Variants in UTS2 observed in about 807,000 individuals in gnomAD.
The protein encoded by UTS2 is urotensin-2.
UTS2 carries 10 observed loss-of-function variants against 12.6 expected under a neutral mutation model. That is an observed-to-expected ratio of 0.80 (90% CI 0.49 to 1.35). The LOEUF (loss-of-function observed/expected upper bound fraction) is 1.35. Ranked by LOEUF, UTS2 falls within the 40% of genes most tolerant of loss-of-function variation. The pLI, the probability that UTS2 is intolerant of heterozygous loss-of-function variation, is 0.00. For missense variants in UTS2, 142 were observed against 143.2 expected (o/e 0.99, Z 0.04); for synonymous variants, 52 against 50.0 (o/e 1.04, Z -0.17).
the UTS2 span, among the ~76,000 whole-genome samples, chr1:7,890,458 T>G: frequency 2.6e-5 from 4 of 152,142 alleles, no homozygotes; most frequent in Non-Finnish European, 5.9e-5. Context: ...ATAATAGGAA[T>G]GTGACTCAAA....
At chr1:7,849,436 T>C (rs1284240335) in intron 3 of UTS2, among the ~76,000 whole-genome samples, 3 of 151,946 alleles carry the variant, frequency 2.0e-5, no homozygotes, top group Non-Finnish European at 4.4e-5. Flanking sequence ...GTCTCGAACT[T>C]CTGACCTCAG....
chr1:7,903,790 C>A, the UTS2 span, among the ~76,000 whole-genome samples: 1 of 152,104 alleles, frequency 6.6e-6, no homozygotes, highest in African/African-American at 2.4e-5. Context: ...AAGTGTCAGG[C>A]TTAGCAATAG....
chr1:7,855,479 G>T (rs1430195630), upstream of UTS2, among the ~76,000 whole-genome samples: 1 of 152,038 alleles, frequency 6.6e-6, no homozygotes, highest in Non-Finnish European at 1.5e-5. Flanking sequence ...AGCTACTCCG[G>T]AGGCTGAGGC....
At chr1:7,858,028 G>A (rs1638349897), upstream of UTS2, among the ~76,000 whole-genome samples, 1 of 152,158 alleles carries the variant, frequency 6.6e-6, no homozygotes, top group Non-Finnish European at 1.5e-5. Flanking sequence ...ATTTCAAAAT[G>A]AGGTGGGAGA....
At chr1:7,889,514 G>A in the UTS2 span, among the ~76,000 whole-genome samples, 1 of 149,626 alleles carries the variant, frequency 6.7e-6, no homozygotes, top group Non-Finnish European at 1.5e-5. Flanking sequence ...CTCAATATGA[G>A]AAAGATCCGG....
chr1:7,879,610 A>G, the UTS2 span, among the ~76,000 whole-genome samples: 1 of 152,118 alleles, frequency 6.6e-6, no homozygotes, highest in Non-Finnish European at 1.5e-5. Context: ...GCATGGTGGC[A>G]CACGCTTGTA....
the UTS2 span, among the ~76,000 whole-genome samples, chr1:7,900,105 T>C: frequency 6.6e-6 from 1 of 152,176 alleles, no homozygotes; most frequent in Non-Finnish European, 1.5e-5. Flanking sequence ...TGTAGAAATA[T>C]CAAATGAATG....
the UTS2 span, among the ~76,000 whole-genome samples, chr1:7,868,893 A>C: frequency 6.6e-6 from 1 of 152,222 alleles, no homozygotes; most frequent in South Asian, 2.1e-4. Flanking sequence ...TTATAAAAAC[A>C]GGAAGAGACA....
chr1:7,891,770 T>C, the UTS2 span, among the ~76,000 whole-genome samples: 1 of 152,132 alleles, frequency 6.6e-6, no homozygotes, highest in African/African-American at 2.4e-5. Flanking sequence ...ATAATTATTA[T>C]AAATGTTATA....
chr1:7,898,913 T>A, the UTS2 span, among the ~76,000 whole-genome samples: 1 of 152,124 alleles, frequency 6.6e-6, no homozygotes, highest in Non-Finnish European at 1.5e-5. Context: ...CACACTGCTA[T>A]AAAGAAATGC....
At chr1:7,901,698 T>G in the UTS2 span, among the ~76,000 whole-genome samples, 1 of 152,038 alleles carries the variant, frequency 6.6e-6, no homozygotes, top group Non-Finnish European at 1.5e-5. Flanking sequence ...ATTGTCTTCA[T>G]TTTACAAATG....
the UTS2 span, among the ~76,000 whole-genome samples, chr1:7,903,961 G>C: frequency 6.6e-6 from 1 of 152,148 alleles, no homozygotes; most frequent in Non-Finnish European, 1.5e-5. Flanking sequence ...TTACCCGTCT[G>C]ATGTACCTTC....
At chr1:7,851,038 A>G (rs2151382819) in intron 1 of UTS2, 116 bp from the exon 2 acceptor site, 4 of 954,870 alleles carry the variant, frequency 4.2e-6, no homozygotes, top group South Asian at 2.8e-5. Flanking sequence ...AAAACTTCCA[A>G]CGCTGAGTTC....
chr1:7,891,864 T>C, the UTS2 span, among the ~76,000 whole-genome samples: 25 of 152,300 alleles, frequency 1.6e-4, no homozygotes, highest in African/African-American at 5.5e-4. Context: ...TCATCTATAG[T>C]GACAGCAGAC....
At chr1:7,904,903 C>CAAAAAA in the UTS2 span, among the ~76,000 whole-genome samples, 1 of 58,254 alleles carries the variant, frequency 1.7e-5, no homozygotes, top group African/African-American at 6.1e-5. Flanking sequence ...GACTCTGTCT[C>CAAAAAA]AAAAAAAAAA....
At chr1:7,894,761 C>T in the UTS2 span, among the ~76,000 whole-genome samples, 2 of 151,618 alleles carry the variant, frequency 1.3e-5, no homozygotes, top group Non-Finnish European at 2.9e-5. Flanking sequence ...GCGGGCAGAT[C>T]ACGAGGTCAG....
At position 7,850,884 on chromosome 1, in the gene UTS2, C is replaced by A. The variant is rs755497614; in HGVS notation, c.142G>T (p.Glu48Ter). ...EDARLTPEEL[E>*]RASLLQILPE... ...AGTATCTGTAGAAGGGAAGCTCTTT[C>A]TAGCTCCTCCGGAGTTAAGCGCGCG... Residue 48 changes from glutamate to a stop codon, truncating the protein, a stop_gained, in exon 2 of 4, where the codon GAA (glutamate) becomes TAA (stop). Coordinates refer to ENST00000361696, the MANE Select transcript of UTS2 (RefSeq NM_006786.4). LOFTEE classifies it high-confidence loss of function. 2 of 1,614,106 alleles carry A rather than the reference C, an allele frequency of 1.2e-6. No individual in the cohort carries two copies.
chr1:7,876,757 AG>A, the UTS2 span, among the ~76,000 whole-genome samples: 1 of 88,056 alleles, frequency 1.1e-5, no homozygotes, highest in Non-Finnish European at 2.4e-5. Flanking sequence ...ACACATATAC[AG>A]AAAAAAAGTC....
the UTS2 span, among the ~76,000 whole-genome samples, chr1:7,891,961 G>T: frequency 2.6e-5 from 4 of 152,144 alleles, no homozygotes; most frequent in Non-Finnish European, 5.9e-5. Flanking sequence ...GGTCTTGATG[G>T]TGGCGACAGT....
Sources: gnomAD v4.1 joint callset for allele counts (sites outside exome capture counted in the v4.1 genomes callset) on GRCh38, gnomAD v4.1.1 for gene constraint, MANE v1.5 for transcripts, NCBI Gene and HGNC (gene_info 2026-07-23, HGNC 2026-07-21) for gene names.